Variants in TVP23B observed in about 807,000 individuals in gnomAD.
TVP23B encodes the protein trans-golgi network vesicle protein 23 homolog B, also known as Golgi apparatus membrane protein TVP23 homolog B.
TVP23B carries 10 observed loss-of-function variants against 30.6 expected under a neutral mutation model. That is an observed-to-expected ratio of 0.33 (90% CI 0.20 to 0.55). The LOEUF (loss-of-function observed/expected upper bound fraction) is 0.55, where lower values mean the gene tolerates loss of function less well. TVP23B is among the 20% of genes least tolerant of loss of function. The probability of loss-of-function intolerance (pLI) is 0.91; values close to 1 mark genes in which losing one functional copy is unlikely to be tolerated. For synonymous variants in TVP23B, 67 were observed against 83.1 expected (o/e 0.81, Z 1.06); for missense variants, 153 against 243.2 (o/e 0.63, Z 2.47).
intron 3 of TVP23B, among the ~76,000 whole-genome samples, chr17:18,792,644 G>C (rs1035799495): frequency 6.6e-6 from 1 of 152,032 alleles, no homozygotes; most frequent in African/African-American, 2.4e-5. Context: ...AATTTTTCTG[G>C]GTTTAGAGTT....
At chr17:18,781,349 C>G in intron 1 of TVP23B, 44 bp downstream of exon 1, 1 of 1,565,154 alleles carries the variant, frequency 6.4e-7, no homozygotes, top group African/African-American at 1.4e-5. Context: ...GCTCCTGGGA[C>G]TGGCTCTGCA....
intron 1 of TVP23B, among the ~76,000 whole-genome samples, chr17:18,788,148 T>A (rs919268561): frequency 6.6e-6 from 1 of 151,116 alleles, no homozygotes; most frequent in African/African-American, 2.4e-5. Context: ...GTTAACACGG[T>A]GAAACCTGTC....
chr17:18,788,522 C>G (rs2035944127), intron 1 of TVP23B, among the ~76,000 whole-genome samples: 1 of 152,134 alleles, frequency 6.6e-6, no homozygotes, highest in Non-Finnish European at 1.5e-5. Context: ...TGGCTCATGC[C>G]TGTAATCCCA....
chr17:18,800,193 T>G (rs1029083393), intron 5 of TVP23B, among the ~76,000 whole-genome samples: 6 of 151,984 alleles, frequency 3.9e-5, no homozygotes, highest in Admixed American at 3.9e-4. Context: ...TAAACCTGTT[T>G]ATTGACTTAA....
intron 5 of TVP23B, among the ~76,000 whole-genome samples, chr17:18,803,628 C>T (rs982223085): frequency 6.6e-5 from 10 of 152,242 alleles, no homozygotes; most frequent in Non-Finnish European, 1.3e-4. Flanking sequence ...AGGCAGGCAT[C>T]GGTTGATTTA....
At chr17:18,789,902 A>G (rs2035965410) in intron 2 of TVP23B, among the ~76,000 whole-genome samples, 1 of 152,184 alleles carries the variant, frequency 6.6e-6, no homozygotes. Context: ...AAGACCACAT[A>G]TTGTATGATT....
intron 3 of TVP23B, among the ~76,000 whole-genome samples, chr17:18,795,587 CTCATGAATAA>C: frequency 1.3e-5 from 2 of 152,234 alleles, no homozygotes. Context: ...CTTTCATAGA[CTCATGAATAA>C]GTTTTCACAT....
At chr17:18,785,493 A>G (rs1184777466) in intron 1 of TVP23B, among the ~76,000 whole-genome samples, 1 of 151,830 alleles carries the variant, frequency 6.6e-6, no homozygotes, top group Non-Finnish European at 1.5e-5. Flanking sequence ...TTCAAAGAGC[A>G]GGGTAAGAGA....
chr17:18,797,634 A>G lies in TVP23B; in HGVS notation c.296A>G (p.Asp99Gly), dbSNP rs1441401280. ...CGTTGGTGGAATCACATTGATGAAG[A>G]TGGAAAGAGCCATTGGGTGTTTGAA... The part of the protein sequence containing the change: ...GLRWWNHIDE[D>G]GKSHWVFESR... Residue 99 changes from aspartate (D) to glycine (G), a missense_variant, in exon 4 of 7, where the codon GAT becomes GGT. This residue lies in a region of TVP23B where 53 missense variants were observed against 128.0 expected (regional missense o/e 0.41). Transcript: ENST00000307767. The G allele has an allele frequency of 6.2e-7, 1 of 1,609,064 alleles. No homozygotes were observed. The highest frequency in any genetic ancestry group is 8.5e-7 in the Non-Finnish European group (1 of 1,178,244).
intron 1 of TVP23B, 86 bp from the exon 2 acceptor site, chr17:18,789,267 T>A (rs966749771): frequency 6.5e-7 from 1 of 1,540,990 alleles, no homozygotes; most frequent in Non-Finnish European, 8.9e-7. Context: ...TATCTTCTAT[T>A]TTGATGAGTA....
chr17:18,792,417 G>A (rs2036011804), intron 3 of TVP23B, among the ~76,000 whole-genome samples: 1 of 152,192 alleles, frequency 6.6e-6, no homozygotes, highest in Non-Finnish European at 1.5e-5. Flanking sequence ...TGAGAAGGAA[G>A]ATTTCAAAGG....
chr17:18,790,480 GA>G lies in TVP23B; in HGVS notation c.96-412del, dbSNP rs1330428796. Reference sequence around the variant, plus strand: ...CTCCGTCTCAAAAAAAAAAAAAAAAGAAAAGAAAGAAAGAAACAAACTACCT... The same window carrying G: ...CTCCGTCTCAAAAAAAAAAAAAAAAGAAAGAAAGAAAGAAACAAACTACCT... On this transcript the variant is annotated intron_variant, in intron 2 of 6. Coordinates refer to ENST00000307767, the MANE Select transcript of TVP23B (RefSeq NM_016078.6). Among the ~76,000 whole-genome samples the G allele has an allele frequency of 1.9e-3, 72 of 37,750 alleles. 1 individual carries two copies. Among genetic ancestry groups the G allele is most frequent in the Middle Eastern group, 0.013 (1 of 80 alleles). 24.8% of individuals were successfully genotyped at this position (37,750 alleles called of 152,430 possible).
intron 3 of TVP23B, chr17:18,796,710 T>C (rs997898297): frequency 3.1e-4 from 47 of 152,224 alleles, no homozygotes; most frequent in African/African-American, 1.1e-3. Flanking sequence ...TTTAAAGATA[T>C]GCTAAATTTT....
intron 1 of TVP23B, among the ~76,000 whole-genome samples, chr17:18,788,754 C>T (rs2035948846): frequency 6.6e-6 from 1 of 152,182 alleles, no homozygotes; most frequent in Non-Finnish European, 1.5e-5. Context: ...TGCAGTCCAG[C>T]CTGGGTGATG....
At chr17:18,794,641 TAAAC>T (rs1203708882) in intron 3 of TVP23B, among the ~76,000 whole-genome samples, 1 of 151,916 alleles carries the variant, frequency 6.6e-6, no homozygotes, top group African/African-American at 2.4e-5. Context: ...ATCAGGAAAA[TAAAC>T]TAATAAAGAT....
At chr17:18,784,014 G>C (rs773190363) in intron 1 of TVP23B, among the ~76,000 whole-genome samples, 15 of 151,802 alleles carry the variant, frequency 9.9e-5, no homozygotes, top group Admixed American at 8.5e-4. Context: ...GGGTGGTGGC[G>C]GGCACCTGTA....
At chr17:18,789,619 A>G (rs2035961772) in intron 2 of TVP23B, 184 bp downstream of exon 2, 3 of 652,784 alleles carry the variant, frequency 4.6e-6, no homozygotes, top group Non-Finnish European at 7.6e-6. Flanking sequence ...AATAATTGGC[A>G]TACTTAATAC....
At chr17:18,805,245 G>A (rs1245744882) in intron 6 of TVP23B, among the ~76,000 whole-genome samples, 4 of 151,416 alleles carry the variant, frequency 2.6e-5, no homozygotes, top group Admixed American at 6.6e-5. Flanking sequence ...CCGCCACCAC[G>A]CCTGGCTTTT....
intron 1 of TVP23B, among the ~76,000 whole-genome samples, chr17:18,788,867 C>T (rs1331614239): frequency 4.0e-5 from 6 of 151,682 alleles, no homozygotes; most frequent in Non-Finnish European, 8.8e-5. Context: ...AACAAATCCC[C>T]GAGGAGGCAT....
Sources: allele counts gnomAD v4.1 joint callset (sites outside exome capture counted in the v4.1 genomes callset), GRCh38; gene constraint gnomAD v4.1.1; regional missense constraint gnomAD v4.1.1; transcripts MANE v1.5; gene names NCBI Gene and HGNC (gene_info 2026-07-23, HGNC 2026-07-21).